Variants in CNTN4 observed in about 807,000 individuals in gnomAD.
CNTN4 encodes the protein contactin 4.
CNTN4 carries 77 observed loss-of-function variants against 122.5 expected under a neutral mutation model. The observed-to-expected ratio is 0.63, with a 90% CI of 0.52 to 0.76. The LOEUF is 0.76. Ranked by LOEUF, CNTN4 falls within the 30% of genes least tolerant of loss-of-function variation. The pLI is 0.00. For synonymous variants in CNTN4, 512 were observed against 447.0 expected, an observed-to-expected ratio of 1.15 and a Z score of -1.83; for missense variants, 1,256 against 1,259.1, an observed-to-expected ratio of 1.00 and a Z score of 0.04.
intron 2 of CNTN4, among the ~76,000 whole-genome samples, chr3:2,327,791 A>G (rs942655447): frequency 9.2e-5 from 14 of 152,200 alleles, no homozygotes; most frequent in African/African-American, 3.1e-4. Context: ...CTGGAGTTCC[A>G]GATCTGATTA....
intron 4 of CNTN4, among the ~76,000 whole-genome samples, chr3:2,585,757 G>A (rs1325524064): frequency 6.6e-6 from 1 of 151,400 alleles, no homozygotes; most frequent in Non-Finnish European, 1.5e-5. Context: ...GTTAATGGGT[G>A]CAGCACACCA....
At chr3:2,706,976 A>G (rs184002170) in intron 4 of CNTN4, among the ~76,000 whole-genome samples, 2,192 of 150,826 alleles carry the variant, frequency 0.015, 36 homozygotes, top group African/African-American at 0.046. Flanking sequence ...GATTATGTGT[A>G]TGTGTGTGTG....
chr3:2,914,748 A>T (rs1426147633), intron 12 of CNTN4, among the ~76,000 whole-genome samples: 1 of 152,234 alleles, frequency 6.6e-6, no homozygotes, highest in Non-Finnish European at 1.5e-5. Flanking sequence ...CCTTCCAAAG[A>T]ATTAAAGAAG....
intron 14 of CNTN4, among the ~76,000 whole-genome samples, chr3:3,010,515 A>G (rs1428956547): frequency 2.0e-5 from 3 of 151,966 alleles, no homozygotes; most frequent in Non-Finnish European, 4.4e-5. Context: ...AAGTTTTAGA[A>G]GGTTCCTAGG....
intron 12 of CNTN4, 46 bp from the exon 13 acceptor site, chr3:2,925,583 T>A (rs769674353): frequency 1.3e-6 from 2 of 1,580,852 alleles, no homozygotes; most frequent in South Asian, 2.2e-5. Context: ...AATTATCTCA[T>A]GGAAGGCTGT....
chr3:2,561,616 A>G (rs2078959616), intron 3 of CNTN4, among the ~76,000 whole-genome samples: 1 of 152,084 alleles, frequency 6.6e-6, no homozygotes, highest in Admixed American at 6.6e-5. Context: ...TTTTTCTAGC[A>G]GAATCCAATT....
At chr3:2,134,521 G>GT (rs1559275605) in intron 2 of CNTN4, among the ~76,000 whole-genome samples, 1 of 152,170 alleles carries the variant, frequency 6.6e-6, no homozygotes, top group African/African-American at 2.4e-5. Context: ...AATTTCTCGG[G>GT]TTTCTAAGAA....
chr3:3,048,940 AAGG>A (rs1230193813), intron 23 of CNTN4, among the ~76,000 whole-genome samples: 1 of 152,204 alleles, frequency 6.6e-6, no homozygotes, highest in Non-Finnish European at 1.5e-5. Context: ...TTAGAGCTAA[AAGG>A]AGAGCATCTG....
chr3:2,898,177 C>T (rs751320104), intron 10 of CNTN4, among the ~76,000 whole-genome samples: 4 of 152,096 alleles, frequency 2.6e-5, no homozygotes, highest in Non-Finnish European at 5.9e-5. Context: ...TTGCAAATGG[C>T]GTGTTAAGAT....
chr3:2,806,688 C>T (rs1355516507), intron 6 of CNTN4, among the ~76,000 whole-genome samples: 2 of 152,082 alleles, frequency 1.3e-5, no homozygotes, highest in East Asian at 3.9e-4. Flanking sequence ...TTATTAGTTT[C>T]CTCAGGTGTT....
At chr3:2,638,122 C>T (rs986438365) in intron 4 of CNTN4, among the ~76,000 whole-genome samples, 5 of 152,206 alleles carry the variant, frequency 3.3e-5, no homozygotes, top group African/African-American at 7.2e-5. Context: ...TATTGTTCTC[C>T]TCTTGCTTGA....
intron 2 of CNTN4, among the ~76,000 whole-genome samples, chr3:2,111,179 G>GGATA (rs1433978113): frequency 2.6e-5 from 4 of 152,014 alleles, no homozygotes; most frequent in Non-Finnish European, 5.9e-5. Context: ...AAACAATTAT[G>GGATA]GATACTATTA....
At chr3:2,398,613 G>A (rs2046726604) in intron 3 of CNTN4, among the ~76,000 whole-genome samples, 1 of 152,092 alleles carries the variant, frequency 6.6e-6, no homozygotes, top group Non-Finnish European at 1.5e-5. Context: ...GAGATATAGG[G>A]TAGATTTAGA....
At chr3:2,138,162 G>C (rs1037815636) in intron 2 of CNTN4, among the ~76,000 whole-genome samples, 5 of 151,812 alleles carry the variant, frequency 3.3e-5, no homozygotes, top group African/African-American at 7.3e-5. Flanking sequence ...CACTTCCCGG[G>C]TTCAAGTGAT....
At chr3:2,133,778 T>C (rs999167307) in intron 2 of CNTN4, among the ~76,000 whole-genome samples, 2 of 152,182 alleles carry the variant, frequency 1.3e-5, no homozygotes, top group Non-Finnish European at 2.9e-5. Flanking sequence ...TATGCCTGAG[T>C]TCATGAATTA....
At chr3:2,195,758 A>C (rs1465016335) in intron 2 of CNTN4, among the ~76,000 whole-genome samples, 1 of 152,230 alleles carries the variant, frequency 6.6e-6, no homozygotes, top group Non-Finnish European at 1.5e-5. Flanking sequence ...TCAAAAACAA[A>C]GGAGCTTGGC....
At chr3:2,371,455 T>C (rs1241635241) in intron 3 of CNTN4, among the ~76,000 whole-genome samples, 1 of 15,990 alleles carries the variant, frequency 6.3e-5, no homozygotes, top group Admixed American at 9.3e-4. Flanking sequence ...TCCTCTAGCA[T>C]TTATCCTTGC....
intron 7 of CNTN4, among the ~76,000 whole-genome samples, chr3:2,821,136 T>C (rs2092860618): frequency 6.6e-6 from 1 of 151,822 alleles, no homozygotes; most frequent in South Asian, 2.1e-4. Flanking sequence ...TTTATATTTT[T>C]AGTAGAGATA....
chr3:2,267,400 C>T (rs948865744), intron 2 of CNTN4, among the ~76,000 whole-genome samples: 3 of 151,988 alleles, frequency 2.0e-5, no homozygotes, highest in Admixed American at 2.0e-4. Context: ...TTTTGAAATC[C>T]TGAAATGATG....
Sources: gnomAD v4.1 joint callset for allele counts (sites outside exome capture counted in the v4.1 genomes callset) on GRCh38, gnomAD v4.1.1 for gene constraint, MANE v1.5 for transcripts, NCBI Gene and HGNC (gene_info 2026-07-23, HGNC 2026-07-21) for gene names.